The following COL25A1 variants were observed in gnomAD, a reference collection of about 807,000 sequenced individuals.
COL25A1 encodes the protein collagen alpha-1(XXV) chain.
COL25A1 carries 103 observed loss-of-function variants against 128.4 expected under a neutral mutation model. That is an observed-to-expected ratio of 0.80 (90% confidence interval 0.68 to 0.94). COL25A1 has a LOEUF of 0.94. Among genes scored for constraint, COL25A1 ranks in the 40% least tolerant of loss-of-function variants. The pLI is 0.00. For synonymous variants in COL25A1, 279 were observed against 277.2 expected (o/e 1.01, Z -0.06); for missense variants, 745 against 840.0 (o/e 0.89, Z 1.40).
chr4:109,273,520 G>A (rs557738298), intron 3 of COL25A1, among the ~76,000 whole-genome samples: 5 of 152,172 alleles, frequency 3.3e-5, no homozygotes, highest in African/African-American at 1.2e-4. Context: ...ATTAGAAAAC[G>A]ATAAAATGCC....
chr4:108,962,430 C>T (rs866270138), intron 8 of COL25A1, among the ~76,000 whole-genome samples: 18 of 152,080 alleles, frequency 1.2e-4, no homozygotes, highest in African/African-American at 3.1e-4. Context: ...CCACCCGCCT[C>T]GGCCTCCCAA....
At chr4:108,881,428 T>C (rs2125830596) in intron 19 of COL25A1, among the ~76,000 whole-genome samples, 1 of 152,332 alleles carries the variant, frequency 6.6e-6, no homozygotes, top group East Asian at 1.9e-4. Context: ...ACATGCTCTC[T>C]GTAGCACCAA....
In COL25A1 at chr4:109,211,274, C is replaced by CTATATATATA. The variant is rs1247369007; in HGVS notation, c.367+89299_367+89308dup. Among the ~76,000 whole-genome samples the CTATATATATA allele has an allele frequency of 2.2e-3, 35 of 15,952 alleles. No homozygotes were observed. In the South Asian group the frequency reaches 0.026, roughly 12 times the overall value. The allele number at this position is 15,952 out of a possible 152,430, so 10.5% of individuals were successfully genotyped here. A position where few individuals can be genotyped will look rare whatever the true frequency, so the allele number is the denominator to read the frequency against. The stretch of plus-strand genomic sequence containing the variant: ...ACAATATATATGTATATATATGAAA[C>CTATATATATA]TATATATATATGAAACTATATATAT... On this transcript the variant is annotated intron_variant, in intron 3 of 37. Transcript: ENST00000399132.
chr4:109,202,449 T>C (rs1159193723), intron 3 of COL25A1, among the ~76,000 whole-genome samples: 1 of 152,002 alleles, frequency 6.6e-6, no homozygotes, highest in South Asian at 2.1e-4. Context: ...CTTACACCTT[T>C]CACAAAGCCT....
intron 3 of COL25A1, among the ~76,000 whole-genome samples, chr4:109,251,119 A>T (rs1213895976): frequency 1.3e-5 from 2 of 152,226 alleles, no homozygotes; most frequent in Non-Finnish European, 2.9e-5. Flanking sequence ...ATAAGGGAAT[A>T]AGGGAAGAAA....
intron 3 of COL25A1, among the ~76,000 whole-genome samples, chr4:109,051,648 C>CACACACACACAG (rs33959198): frequency 1.7e-4 from 24 of 142,370 alleles, no homozygotes; most frequent in Admixed American, 4.9e-4. Flanking sequence ...CACACACACA[C>CACACACACACAG]AGACATAATC....
chr4:109,175,134 T>G (rs1312793404), intron 3 of COL25A1, among the ~76,000 whole-genome samples: 1 of 152,136 alleles, frequency 6.6e-6, no homozygotes, highest in Non-Finnish European at 1.5e-5. Flanking sequence ...CCAAAAAGGT[T>G]GGGGACCTCT....
At chr4:109,053,638 T>C (rs1243591441) in intron 3 of COL25A1, among the ~76,000 whole-genome samples, 6 of 152,250 alleles carry the variant, frequency 3.9e-5, no homozygotes, top group African/African-American at 9.6e-5. Context: ...TCTCCACTCC[T>C]AAGAGTATAA....
intron 3 of COL25A1, among the ~76,000 whole-genome samples, chr4:109,243,589 T>G (rs1020668379): frequency 1.3e-5 from 2 of 151,996 alleles, no homozygotes; most frequent in Admixed American, 6.6e-5. Context: ...GACTGATGAG[T>G]GATTTAAAAA....
chr4:108,977,389 T>C (rs934337267), intron 6 of COL25A1, among the ~76,000 whole-genome samples: 2 of 152,272 alleles, frequency 1.3e-5, no homozygotes, highest in African/African-American at 4.8e-5. Flanking sequence ...TTATTTTCCA[T>C]GAATCAACTA....
intron 3 of COL25A1, among the ~76,000 whole-genome samples, chr4:109,261,583 G>C (rs1412224909): frequency 1.3e-5 from 2 of 152,138 alleles, no homozygotes; most frequent in African/African-American, 4.8e-5. Context: ...GGCAAAGTTT[G>C]TTCCCTTGAG....
intron 3 of COL25A1, among the ~76,000 whole-genome samples, chr4:109,170,854 T>C (rs1404228114): frequency 6.6e-6 from 1 of 152,146 alleles, no homozygotes; most frequent in African/African-American, 2.4e-5. Flanking sequence ...CCTGCAGACC[T>C]AAGGGACCCA....
intron 31 of COL25A1, among the ~76,000 whole-genome samples, chr4:108,839,169 C>T (rs1734139205): frequency 6.6e-6 from 1 of 152,052 alleles, no homozygotes; most frequent in East Asian, 1.9e-4. Context: ...CAGTGTAGCG[C>T]TTGTTAAACA....
At chr4:109,188,638 C>T (rs1299077311) in intron 3 of COL25A1, among the ~76,000 whole-genome samples, 1 of 152,264 alleles carries the variant, frequency 6.6e-6, no homozygotes, top group East Asian at 1.9e-4. Flanking sequence ...AACGGCAAGC[C>T]ACTGGCAATC....
intron 8 of COL25A1, among the ~76,000 whole-genome samples, chr4:108,973,743 A>G (rs1455508232): frequency 2.0e-5 from 3 of 152,228 alleles, no homozygotes; most frequent in African/African-American, 7.2e-5. Flanking sequence ...AGGACTTGGC[A>G]CTACCAAGGT....
At chr4:109,130,114 A>G (rs982688242) in intron 3 of COL25A1, among the ~76,000 whole-genome samples, 2 of 150,670 alleles carry the variant, frequency 1.3e-5, no homozygotes, top group Non-Finnish European at 3.0e-5. Flanking sequence ...ATCTTTCCAC[A>G]GAATATACAT....
chr4:109,217,130 A>G (rs1161366953), intron 3 of COL25A1, among the ~76,000 whole-genome samples: 1 of 151,920 alleles, frequency 6.6e-6, no homozygotes, highest in Non-Finnish European at 1.5e-5. Flanking sequence ...AACTTAAGAA[A>G]TAGACAAATC....
intron 4 of COL25A1, 29 bp downstream of exon 4, chr4:109,050,106 G>A (rs760882572): frequency 6.3e-7 from 1 of 1,593,770 alleles, no homozygotes; most frequent in Non-Finnish European, 8.6e-7. Flanking sequence ...GAACATGAGT[G>A]ACACAGAGCA....
chr4:109,238,877 A>C (rs1437299663), intron 3 of COL25A1, among the ~76,000 whole-genome samples: 1 of 152,036 alleles, frequency 6.6e-6, no homozygotes, highest in Non-Finnish European at 1.5e-5. Flanking sequence ...CAGAGCAGGC[A>C]GTGGAAATTC....
Sources: gnomAD v4.1 joint callset for allele counts (sites outside exome capture counted in the v4.1 genomes callset) on GRCh38, gnomAD v4.1.1 for gene constraint, MANE v1.5 for transcripts, NCBI Gene and HGNC (gene_info 2026-07-23, HGNC 2026-07-21) for gene names.